The following DLG2 variants were observed in gnomAD, a reference collection of about 807,000 sequenced individuals.
DLG2 encodes discs large MAGUK scaffold protein 2, also known as disks large homolog 2.
In DLG2, 45 loss-of-function variants were observed where a neutral mutation model predicts 132.5. The ratio of observed to expected loss-of-function variants is 0.34; its 90% confidence interval spans 0.27 to 0.44. DLG2 has a LOEUF of 0.44. Ranked by LOEUF, DLG2 falls within the 20% of genes least tolerant of loss-of-function variation. The pLI, the probability that DLG2 is intolerant of heterozygous loss-of-function variation, is 1.00. For missense variants in DLG2, 1,045 were observed against 1,196.9 expected, an observed-to-expected ratio of 0.87 and a Z score of 1.87; for synonymous variants, 424 against 419.6, an observed-to-expected ratio of 1.01 and a Z score of -0.13.
At chr11:83,670,957 T>A (rs1326140347) in intron 18 of DLG2, among the ~76,000 whole-genome samples, 1 of 152,214 alleles carries the variant, frequency 6.6e-6, no homozygotes. Flanking sequence ...GAAGGTGTAC[T>A]CCATCTTCAT....
chr11:84,502,354 CT>C (rs2099219572), intron 7 of DLG2, among the ~76,000 whole-genome samples: 1 of 59,368 alleles, frequency 1.7e-5, no homozygotes, highest in African/African-American at 1.0e-4. Context: ...TTCTTTCTTT[CT>C]TTCTTTCTTT....
intron 6 of DLG2, among the ~76,000 whole-genome samples, chr11:84,910,762 A>AAACAACAACAACAACAACAAC (rs59825403): frequency 7.1e-6 from 1 of 141,296 alleles, no homozygotes; most frequent in East Asian, 2.0e-4. Context: ...AAGGAAGAAA[A>AAACAACAACAACAACAACAAC]AACAACAACA....
chr11:84,399,144 C>T (rs2098820863), intron 7 of DLG2, among the ~76,000 whole-genome samples: 1 of 152,120 alleles, frequency 6.6e-6, no homozygotes. Context: ...CTTCTTAAGA[C>T]AGATCATCAT....
rs1268117500 is a variant in DLG2 at position 85,436,538 on chromosome 11, A to G, written c.41-151173T>C. 2.0e-5 allele frequency among the ~76,000 whole-genome samples: 3 copies of G among 152,364 alleles called. No individual in the cohort carries two copies. In the East Asian group the frequency reaches 5.8e-4, roughly 29 times the overall value. On this transcript the variant is annotated intron_variant, in intron 3 of 27. Transcript: ENST00000376104. ...GCTTCTCAAAAGAAGAAATCAATGCAGCCAACAAACATGAAAAAAACACAG... is the reference window on the plus strand; with the variant it reads ...GCTTCTCAAAAGAAGAAATCAATGCGGCCAACAAACATGAAAAAAACACAG...
At chr11:85,205,823 T>C (rs1432215942) in intron 4 of DLG2, among the ~76,000 whole-genome samples, 1 of 152,212 alleles carries the variant, frequency 6.6e-6, no homozygotes, top group Admixed American at 6.5e-5. Flanking sequence ...ATCTTCTCCT[T>C]GTATCAAAAA....
At chr11:85,394,128 A>C (rs1453977747) in intron 3 of DLG2, among the ~76,000 whole-genome samples, 1 of 152,142 alleles carries the variant, frequency 6.6e-6, no homozygotes, top group Non-Finnish European at 1.5e-5. Flanking sequence ...TCTGCCCTTA[A>C]CTTCTGTTCC....
At chr11:83,594,608 G>C (rs1457283950) in intron 19 of DLG2, among the ~76,000 whole-genome samples, 1 of 152,154 alleles carries the variant, frequency 6.6e-6, no homozygotes, top group Admixed American at 6.5e-5. Flanking sequence ...AACTATCTAA[G>C]AATAGAGGTT....
chr11:84,360,903 G>T (rs2098645997), intron 7 of DLG2, among the ~76,000 whole-genome samples: 1 of 151,812 alleles, frequency 6.6e-6, no homozygotes, highest in Admixed American at 6.6e-5. Context: ...TAAACAGGAT[G>T]AAGAGTATGA....
chr11:84,797,844 G>T (rs2074852456), intron 6 of DLG2, among the ~76,000 whole-genome samples: 1 of 152,154 alleles, frequency 6.6e-6, no homozygotes, highest in African/African-American at 2.4e-5. Context: ...GTTTGTACCT[G>T]TCTTTCTTGG....
chr11:84,856,195 G>A (rs1303407830), intron 6 of DLG2, among the ~76,000 whole-genome samples: 1 of 151,848 alleles, frequency 6.6e-6, no homozygotes, highest in East Asian at 1.9e-4. Flanking sequence ...ATCCTTCTTC[G>A]AAAAAACAGT....
intron 3 of DLG2, among the ~76,000 whole-genome samples, chr11:85,538,312 C>A (rs1298137154): frequency 6.6e-6 from 1 of 151,620 alleles, no homozygotes; most frequent in Non-Finnish European, 1.5e-5. Context: ...ATTCTCTGAT[C>A]TGGCAATTAT....
At chr11:85,051,588 T>C (rs2062895337) in intron 6 of DLG2, among the ~76,000 whole-genome samples, 2 of 152,250 alleles carry the variant, frequency 1.3e-5, no homozygotes, top group South Asian at 4.1e-4. Context: ...GAAAAAAATA[T>C]TACATATGTG....
At chr11:85,041,346 T>G (rs1055308440) in intron 6 of DLG2, among the ~76,000 whole-genome samples, 5 of 151,944 alleles carry the variant, frequency 3.3e-5, no homozygotes, top group African/African-American at 1.2e-4. Flanking sequence ...GGATTTTATA[T>G]TCCAAGTTTC....
At chr11:84,014,363 CA>C (rs1349943281) in intron 11 of DLG2, among the ~76,000 whole-genome samples, 1 of 152,086 alleles carries the variant, frequency 6.6e-6, no homozygotes, top group African/African-American at 2.4e-5. Flanking sequence ...ATTACTTTCC[CA>C]ATGTCTTTTA....
chr11:83,803,418 T>G lies in DLG2; in HGVS notation c.1723-16626A>C, dbSNP rs186390782. On this transcript the variant is annotated intron_variant, in intron 17 of 27. Transcript: ENST00000376104. ...TTGCAAACCGTGGCACAATCAGGCA[T>G]AGTGAAAAAATGTCCTTCCAAAGGT... 4.7e-4 allele frequency among the ~76,000 whole-genome samples: 71 copies of G among 152,194 alleles called. 2 individuals are homozygous for G. The highest frequency in any genetic ancestry group is 3.4e-3 in the Middle Eastern group (1 of 294).
At chr11:84,054,422 C>T (rs1473303981) in intron 11 of DLG2, among the ~76,000 whole-genome samples, 1 of 152,044 alleles carries the variant, frequency 6.6e-6, no homozygotes, top group African/African-American at 2.4e-5. Context: ...TTGCCTAATA[C>T]TTTCTTCCTA....
chr11:84,924,096 T>C (rs2092885658), intron 6 of DLG2, among the ~76,000 whole-genome samples: 1 of 151,080 alleles, frequency 6.6e-6, no homozygotes, highest in Non-Finnish European at 1.5e-5. Flanking sequence ...TATAAGTCCG[T>C]AAGGAAAAAA....
At chr11:85,269,160 T>C (rs1449005429) in intron 4 of DLG2, among the ~76,000 whole-genome samples, 1 of 152,208 alleles carries the variant, frequency 6.6e-6, no homozygotes, top group Non-Finnish European at 1.5e-5. Flanking sequence ...GAATTATTAT[T>C]TGCATCTTGT....
Position 85,150,699 on chromosome 11 carries a change from AGTGTGTGTGTGTGTGTGTGTGTGTGTGT to A in DLG2, c.282+3829_282+3856del, listed in dbSNP as rs71036459. ...TTTCCTTTTGTTCCTAAGGCTACAT[AGTGTGTGTGTGTGTGTGTGTGTGTGTGT>A]GTGTGTGTGTGTGTGTGTGTGTGTA... On this transcript the variant is annotated intron_variant, in intron 5 of 27. Coordinates refer to ENST00000376104, the MANE Select transcript of DLG2 (RefSeq NM_001142699.3). Among the ~76,000 whole-genome samples the A allele has an allele frequency of 1.0e-4, 13 of 127,348 alleles. 1 individual carries two copies. The highest frequency in any genetic ancestry group is 5.8e-4 in the South Asian group (2 of 3,478). The allele number at this position is 127,348 out of a possible 152,430, so 83.5% of individuals were successfully genotyped here.
Sources: allele counts gnomAD v4.1 joint callset (sites outside exome capture counted in the v4.1 genomes callset), GRCh38; gene constraint gnomAD v4.1.1; transcripts MANE v1.5; gene names NCBI Gene and HGNC (gene_info 2026-07-23, HGNC 2026-07-21).